The following MBD3L1 variants were observed in gnomAD, a reference collection of about 807,000 sequenced individuals.
MBD3L1 encodes methyl-CpG binding domain protein 3 like 1.
For synonymous variants in MBD3L1, 84 were observed against 85.1 expected (o/e 0.99, Z 0.07); for missense variants, 203 against 230.1 (o/e 0.88, Z 0.76).
intron 1 of MBD3L1, among the ~76,000 whole-genome samples, chr19:8,836,562 G>C: frequency 6.6e-6 from 1 of 151,900 alleles, no homozygotes; most frequent in African/African-American, 2.4e-5. Flanking sequence ...TGCAAACATG[G>C]CTCATTGCAG....
chr19:8,840,848 T>A (rs2044504905), intron 1 of MBD3L1, 67 bp from the exon 2 acceptor site: 1 of 152,060 alleles, frequency 6.6e-6, no homozygotes, highest in Non-Finnish European at 1.5e-5. Flanking sequence ...TCTTCCCAGT[T>A]GATGGAGAAT....
In MBD3L1 at chr19:8,832,880, C is replaced by G. The variant is rs528565863; in HGVS notation, c.-107+358C>G. 4.0e-5 allele frequency among the ~76,000 whole-genome samples: 6 copies of G among 150,290 alleles called. No homozygotes were observed. The East Asian group carries it at 1.2e-3, about 30-fold the overall frequency. Reference sequence around the variant, plus strand: ...CTGTGGGCGGAGATAAGCTCCGGGCCGGGCGGAGGGCGGGGACTAGGCTGT... The same window carrying G: ...CTGTGGGCGGAGATAAGCTCCGGGCGGGGCGGAGGGCGGGGACTAGGCTGT... On this transcript the variant is annotated intron_variant, in intron 1 of 2. Coordinates refer to ENST00000595891, the MANE Select transcript of MBD3L1 (RefSeq NM_001393532.1).
chr19:8,842,903 G>A lies in MBD3L1; in HGVS notation c.225G>A (p.Gln75=), dbSNP rs1299061894. ...GGCAGAGGAGACTGCAGGGACTCCA[G>A]GCTTACAGCAGTGCAGGAGAACTTT... ...VCWQRRLQGL[Q]AYSSAGELSS... is the part of the protein sequence containing the mutation. Residue 75 remains glutamine (Q), a synonymous_variant, in exon 3 of 3, where the codon CAG becomes CAA. Coordinates refer to ENST00000595891, the MANE Select transcript of MBD3L1 (RefSeq NM_001393532.1). 6.2e-7 allele frequency: 1 copy of A among 1,614,222 alleles called. No homozygotes were observed. Among genetic ancestry groups the A allele is most frequent in the Non-Finnish European group, 8.5e-7 (1 of 1,180,044 alleles).
intron 1 of MBD3L1, among the ~76,000 whole-genome samples, chr19:8,833,993 AC>A (rs1555775330): frequency 9.5e-6 from 1 of 104,866 alleles, no homozygotes. Context: ...ATCTCAAAAA[AC>A]AAAACAAAAC....
intron 1 of MBD3L1, among the ~76,000 whole-genome samples, chr19:8,838,684 G>A (rs1196743348): frequency 1.3e-5 from 2 of 152,214 alleles, no homozygotes; most frequent in Non-Finnish European, 2.9e-5. Flanking sequence ...GGCTGGCATT[G>A]TTGGTGGTAA....
chr19:8,833,672 A>G (rs962122557), intron 1 of MBD3L1: 5 of 152,232 alleles, frequency 3.3e-5, no homozygotes, highest in African/African-American at 1.2e-4. Flanking sequence ...AATAGAATAC[A>G]TGGTGGGTTG....
chr19:8,837,540 T>C (rs926556934), intron 1 of MBD3L1, among the ~76,000 whole-genome samples: 14 of 152,182 alleles, frequency 9.2e-5, no homozygotes, highest in Admixed American at 5.9e-4. Flanking sequence ...GCCTGGACCC[T>C]TTCTGCCTCG....
Position 8,843,005 on chromosome 19 carries a change from T to A in MBD3L1, c.327T>A (p.Leu109=). ...CAGGTGGATCTCTGCTGGAGGATCT[T>A]GCCAGTGGTCTGGAGCACTCCTGCC... is the stretch of plus-strand genomic sequence containing the variant. ...SYTGGSLLED[L]ASGLEHSCPM... Residue 109 remains leucine (L), a synonymous_variant, in exon 3 of 3, where the codon CTT becomes CTA. Coordinates refer to ENST00000595891, the MANE Select transcript of MBD3L1 (RefSeq NM_001393532.1). The A allele has an allele frequency of 6.2e-7, 1 of 1,614,232 alleles. No individual in the cohort carries two copies. The highest frequency in any genetic ancestry group is 1.1e-5 in the South Asian group (1 of 91,088).
chr19:8,834,735 C>T (rs924548199), intron 1 of MBD3L1, among the ~76,000 whole-genome samples: 1 of 150,250 alleles, frequency 6.7e-6, no homozygotes, highest in Non-Finnish European at 1.5e-5. Context: ...CAAAATAGAT[C>T]ATAGACCTAA....
intron 1 of MBD3L1, among the ~76,000 whole-genome samples, chr19:8,837,343 C>G (rs1040689358): frequency 6.6e-6 from 1 of 152,020 alleles, no homozygotes; most frequent in Non-Finnish European, 1.5e-5. Flanking sequence ...CTGGTGTAGC[C>G]GTATGAAATG....
Position 8,832,452 on chromosome 19 carries a change from G to T in MBD3L1, c.-177G>T. ...GCGGGAGCGGCGGCCGCGAACCCCA[G>T]CCTTGGGCAGAGGTGTTCTAGTTTG... On this transcript the variant is annotated 5_prime_UTR_variant, in exon 1 of 3. Transcript: ENST00000595891. 6.5e-6 allele frequency: 1 copy of T among 153,018 alleles called. No homozygotes were observed. The highest frequency in any genetic ancestry group is 1.5e-5 in the Non-Finnish European group (1 of 68,552). The allele number at this position is 153,018 out of a possible 1,614,324, so 9.5% of individuals were successfully genotyped here.
intron 1 of MBD3L1, 88 bp from the exon 2 acceptor site, chr19:8,840,827 G>A (rs895121461): frequency 6.6e-6 from 1 of 152,034 alleles, no homozygotes; most frequent in Non-Finnish European, 1.5e-5. Flanking sequence ...AAGTTTCTAC[G>A]CATGATGGAT....
At chr19:8,834,960 G>A (rs1031581481) in intron 1 of MBD3L1, among the ~76,000 whole-genome samples, 14 of 151,658 alleles carry the variant, frequency 9.2e-5, no homozygotes, top group Non-Finnish European at 1.5e-5. Context: ...ATTTACAAAT[G>A]ATTTATCTGA....
At chr19:8,834,725 C>T (rs2044436309) in intron 1 of MBD3L1, among the ~76,000 whole-genome samples, 1 of 149,536 alleles carries the variant, frequency 6.7e-6, no homozygotes, top group Admixed American at 6.7e-5. Context: ...AAAGTGAGCT[C>T]AAAATAGATC....
At chr19:8,842,532 A>C in intron 2 of MBD3L1, 126 bp from the exon 3 acceptor site, 1 of 649,706 alleles carries the variant, frequency 1.5e-6, no homozygotes, top group Non-Finnish European at 2.6e-6. Flanking sequence ...ATGTCCCAGG[A>C]AGCAGGTCAG....
chr19:8,836,414 T>C (rs2044456040), intron 1 of MBD3L1, among the ~76,000 whole-genome samples: 1 of 151,404 alleles, frequency 6.6e-6, no homozygotes, highest in African/African-American at 2.4e-5. Context: ...TCCTCCTCCT[T>C]CTTCTTTCTT....
chr19:8,840,109 G>A (rs2044496714), intron 1 of MBD3L1, among the ~76,000 whole-genome samples: 4 of 151,696 alleles, frequency 2.6e-5, no homozygotes, highest in Middle Eastern at 3.4e-3. Context: ...GCTTGAACCC[G>A]GGCAGTGGAG....
rs778356108 is a variant in MBD3L1 at position 8,842,731 on chromosome 19, C to G, written c.53C>G (p.Ser18Ter). 1 of 1,614,190 alleles carries G rather than the reference C, an allele frequency of 6.2e-7. No homozygotes were observed. Among genetic ancestry groups the G allele is most frequent in the Non-Finnish European group, 8.5e-7 (1 of 1,180,038 alleles). ...KQRDCVNQCKSKPGLSTSIPL... is the reference protein window; with the variant it reads ...KQRDCVNQCK The stretch of plus-strand genomic sequence containing the variant: ...CGTGACTGTGTAAACCAATGCAAAT[C>G]AAAGCCTGGCTTGAGCACCTCAATC... Residue 18 changes from serine (S) to a stop codon, truncating the protein, a stop_gained, in exon 3 of 3, where the codon TCA (serine) becomes TGA (stop). Transcript: ENST00000595891. LOFTEE classifies it low-confidence loss of function (END_TRUNC).
intron 2 of MBD3L1, among the ~76,000 whole-genome samples, chr19:8,842,318 C>CAAAAAAAAAAA (rs35231202): frequency 8.8e-6 from 1 of 114,222 alleles, no homozygotes; most frequent in Non-Finnish European, 1.8e-5. Context: ...CGGAGTGGGA[C>CAAAAAAAAAAA]AAAAAAAAAA....
Sources: gnomAD v4.1 joint callset for allele counts (sites outside exome capture counted in the v4.1 genomes callset) on GRCh38, gnomAD v4.1.1 for gene constraint, MANE v1.5 for transcripts, NCBI Gene and HGNC (gene_info 2026-07-23, HGNC 2026-07-21) for gene names.